The following MAGI1 variants were observed in gnomAD, a reference collection of about 807,000 sequenced individuals.
MAGI1 encodes the protein membrane associated guanylate kinase, WW and PDZ domain containing 1, also known as membrane-associated guanylate kinase, WW and PDZ domain-containing protein 1.
In MAGI1, 58 loss-of-function variants were observed where a neutral mutation model predicts 139.9. The observed-to-expected ratio is 0.41, with a 90% CI of 0.34 to 0.52. MAGI1 has a LOEUF of 0.52. Among genes scored for constraint, MAGI1 ranks in the 20% least tolerant of loss-of-function variants. The pLI, the probability that MAGI1 is intolerant of heterozygous loss-of-function variation, is 0.12. For synonymous variants in MAGI1, 812 were observed against 737.9 expected (o/e 1.10, Z -1.63); for missense variants, 1,874 against 1,901.6 (o/e 0.99, Z 0.27).
At chr3:65,442,148 T>C (rs1157397639) in intron 8 of MAGI1, among the ~76,000 whole-genome samples, 1 of 151,962 alleles carries the variant, frequency 6.6e-6, no homozygotes, top group Non-Finnish European at 1.5e-5. Context: ...TCAACAGTTT[T>C]GATGAAAGGA....
chr3:65,943,667 G>A lies in MAGI1; in HGVS notation c.313+94329C>T, dbSNP rs373158997. Among the ~76,000 whole-genome samples the A allele has an allele frequency of 2.2e-4, 33 of 151,670 alleles. No homozygotes were observed. In the South Asian group the frequency reaches 3.1e-3, roughly 14 times the overall value. On this transcript the variant is annotated intron_variant, in intron 1 of 22. Coordinates refer to ENST00000402939, the MANE Select transcript of MAGI1 (RefSeq NM_001033057.2). ...TGTGTGTGTGTGTGTATATATATAT[G>A]TGTGTATATAGATTCTGGTTTGTAA... is the stretch of plus-strand genomic sequence containing the variant.
chr3:65,420,321 C>T (rs540667072), intron 12 of MAGI1, among the ~76,000 whole-genome samples: 12 of 152,082 alleles, frequency 7.9e-5, no homozygotes, highest in Non-Finnish European at 1.6e-4. Flanking sequence ...ACTGTCCCTT[C>T]CTGCTGGAAT....
intron 1 of MAGI1, among the ~76,000 whole-genome samples, chr3:65,842,640 C>A (rs1358064010): frequency 6.6e-6 from 1 of 152,174 alleles, no homozygotes; most frequent in African/African-American, 2.4e-5. Context: ...GGATTACAAG[C>A]ATGAGCCACT....
intron 1 of MAGI1, among the ~76,000 whole-genome samples, chr3:65,718,300 C>T (rs1036205189): frequency 2.0e-5 from 3 of 152,040 alleles, no homozygotes; most frequent in African/African-American, 7.2e-5. Flanking sequence ...GAGATAGCTT[C>T]CTAAGATGAT....
chr3:65,385,258 A>G (rs527819972), intron 14 of MAGI1, among the ~76,000 whole-genome samples: 129 of 152,322 alleles, frequency 8.5e-4, no homozygotes, highest in Non-Finnish European at 1.1e-3. Flanking sequence ...CTAAAGTAAA[A>G]GAGTTATTTC....
At chr3:65,879,496 T>C (rs939414367) in intron 1 of MAGI1, among the ~76,000 whole-genome samples, 2 of 152,194 alleles carry the variant, frequency 1.3e-5, no homozygotes, top group African/African-American at 4.8e-5. Flanking sequence ...GGAGACATCA[T>C]GCTTAAAGCT....
intron 1 of MAGI1, among the ~76,000 whole-genome samples, chr3:66,024,728 C>T (rs2068152318): frequency 6.6e-6 from 1 of 152,166 alleles, no homozygotes; most frequent in Non-Finnish European, 1.5e-5. Flanking sequence ...ATTGCCTGAA[C>T]CCAGGAGGCG....
At chr3:65,566,026 C>A (rs886744151) in intron 2 of MAGI1, among the ~76,000 whole-genome samples, 2 of 151,822 alleles carry the variant, frequency 1.3e-5, no homozygotes, top group Admixed American at 6.6e-5. Context: ...GAGGCTGAGG[C>A]GGGCGGATCA....
chr3:65,501,262 T>C (rs778988956), intron 2 of MAGI1, among the ~76,000 whole-genome samples: 1 of 151,922 alleles, frequency 6.6e-6, no homozygotes, highest in Admixed American at 6.6e-5. Context: ...GGATGGATCA[T>C]GAGGTCAGGA....
chr3:65,439,272 G>A (rs932205806), intron 9 of MAGI1, among the ~76,000 whole-genome samples: 4 of 152,020 alleles, frequency 2.6e-5, no homozygotes, highest in South Asian at 2.1e-4. Flanking sequence ...TACTATATAC[G>A]TATAAATTAT....
chr3:65,805,951 G>A (rs2040827866), intron 1 of MAGI1, among the ~76,000 whole-genome samples: 1 of 152,116 alleles, frequency 6.6e-6, no homozygotes, highest in Non-Finnish European at 1.5e-5. Context: ...GGGGACAGGG[G>A]AAAGGAGAGC....
intron 5 of MAGI1, among the ~76,000 whole-genome samples, chr3:65,468,636 C>CA (rs935202084): frequency 1.3e-5 from 2 of 151,988 alleles, no homozygotes; most frequent in African/African-American, 4.8e-5. Flanking sequence ...CTTGGCCTCC[C>CA]AAAATGCTGA....
At chr3:65,529,020 T>C (rs2078513206) in intron 2 of MAGI1, among the ~76,000 whole-genome samples, 1 of 152,154 alleles carries the variant, frequency 6.6e-6, no homozygotes, top group Non-Finnish European at 1.5e-5. Context: ...CACTCCAGCC[T>C]GGGCAACAGA....
At chr3:65,885,751 A>T (rs2060506485) in intron 1 of MAGI1, among the ~76,000 whole-genome samples, 1 of 152,144 alleles carries the variant, frequency 6.6e-6, no homozygotes, top group African/African-American at 2.4e-5. Flanking sequence ...AGGCCTCCCC[A>T]CCCATGTGGA....
intron 1 of MAGI1, among the ~76,000 whole-genome samples, chr3:65,625,396 A>G (rs1424550712): frequency 6.6e-6 from 1 of 152,170 alleles, no homozygotes; most frequent in Non-Finnish European, 1.5e-5. Flanking sequence ...GTTGAAGTAA[A>G]GGAAAAAGAA....
chr3:65,885,183 G>A (rs2060483381), intron 1 of MAGI1, among the ~76,000 whole-genome samples: 12 of 152,100 alleles, frequency 7.9e-5, no homozygotes, highest in Admixed American at 6.5e-4. Flanking sequence ...CAGATCACCT[G>A]AGGTCAAGAG....
chr3:65,493,749 C>T, intron 2 of MAGI1, 118 bp from the exon 3 acceptor site: 1 of 1,147,896 alleles, frequency 8.7e-7, no homozygotes, highest in Non-Finnish European at 1.2e-6. Flanking sequence ...GACTCTGCTG[C>T]CTCATCTGTC....
intron 2 of MAGI1, among the ~76,000 whole-genome samples, chr3:65,584,674 A>G (rs1325308152): frequency 2.0e-5 from 3 of 152,196 alleles, no homozygotes; most frequent in Non-Finnish European, 2.9e-5. Flanking sequence ...TGTGGTACAA[A>G]GATTATCAAT....
At chr3:65,660,735 A>C (rs938420312) in intron 1 of MAGI1, among the ~76,000 whole-genome samples, 2 of 152,248 alleles carry the variant, frequency 1.3e-5, no homozygotes, top group Admixed American at 1.3e-4. Context: ...TTTCACTTTC[A>C]GATTAAACAA....
Sources: allele counts gnomAD v4.1 joint callset (sites outside exome capture counted in the v4.1 genomes callset), GRCh38; gene constraint gnomAD v4.1.1; transcripts MANE v1.5; gene names NCBI Gene and HGNC (gene_info 2026-07-23, HGNC 2026-07-21).